The following SNX29 variants were observed in gnomAD, a reference collection of about 807,000 sequenced individuals.
SNX29 encodes the protein sorting nexin-29.
A neutral mutation model predicts 102.1 loss-of-function variants in SNX29; 78 were observed. The observed-to-expected ratio is 0.76, with a 90% confidence interval of 0.64 to 0.92. The LOEUF (loss-of-function observed/expected upper bound fraction) is 0.92, where lower values mean the gene tolerates loss of function less well. Among genes scored for constraint, SNX29 ranks in the 40% least tolerant of loss-of-function variants. The pLI is 0.00. For missense variants in SNX29, 1,280 were observed against 1,061.7 expected, an observed-to-expected ratio of 1.21 and a Z score of -2.86; for synonymous variants, 580 against 414.5, an observed-to-expected ratio of 1.40 and a Z score of -4.85.
intron 13 of SNX29, among the ~76,000 whole-genome samples, chr16:12,145,374 CTGTT>C (rs757303195): frequency 2.0e-5 from 3 of 152,070 alleles, no homozygotes; most frequent in Non-Finnish European, 4.4e-5. Context: ...AATTTACATT[CTGTT>C]TATTTTATTC....
chr16:12,419,188 C>G (rs1303790796), intron 18 of SNX29, among the ~76,000 whole-genome samples: 1 of 152,078 alleles, frequency 6.6e-6, no homozygotes, highest in East Asian at 1.9e-4. Context: ...TCTTTGTAGG[C>G]AGGTTTATGT....
At chr16:12,553,619 T>C (rs1187406633) in intron 20 of SNX29, among the ~76,000 whole-genome samples, 1 of 125,140 alleles carries the variant, frequency 8.0e-6, no homozygotes, top group Non-Finnish European at 1.6e-5. Flanking sequence ...AGATGGAATT[T>C]TGTGCTTGTT....
In SNX29 at chr16:12,570,287, T is replaced by G; in HGVS notation, c.*1658T>G. 2.8e-6 allele frequency: 3 copies of G among 1,061,548 alleles called. No homozygotes were observed. 65.8% of individuals were successfully genotyped at this position (1,061,548 alleles called of 1,614,324 possible). ...GGAGGTGCGGACCCTGCAGTCAGTT[T>G]GCGAGTGTGGAGGACCCGAGACATC... On this transcript the variant is annotated 3_prime_UTR_variant, in exon 21 of 21. Transcript: ENST00000566228.
At chr16:12,155,948 G>T (rs2055530331) in intron 13 of SNX29, among the ~76,000 whole-genome samples, 1 of 152,216 alleles carries the variant, frequency 6.6e-6, no homozygotes, top group African/African-American at 2.4e-5. Context: ...CTGGTGAGTG[G>T]TATAAAAGGA....
intron 14 of SNX29, among the ~76,000 whole-genome samples, chr16:12,230,291 G>C (rs903540804): frequency 2.6e-5 from 4 of 152,226 alleles, no homozygotes; most frequent in African/African-American, 9.6e-5. Flanking sequence ...CTTCCCGTTT[G>C]GGCAAAGAGT....
At chr16:12,294,584 C>G (rs978750442) in intron 15 of SNX29, among the ~76,000 whole-genome samples, 1 of 152,316 alleles carries the variant, frequency 6.6e-6, no homozygotes. Context: ...CTGCCGCCAT[C>G]ATGGTTCCCT....
chr16:12,400,887 A>G (rs113280422), intron 17 of SNX29, among the ~76,000 whole-genome samples: 5,428 of 152,246 alleles, frequency 0.036, 250 homozygotes, highest in African/African-American at 0.1. Flanking sequence ...CAGTGGCACT[A>G]TCTCTGCTCA....
At chr16:12,166,334 C>T (rs2056021491) in intron 13 of SNX29, among the ~76,000 whole-genome samples, 1 of 152,116 alleles carries the variant, frequency 6.6e-6, no homozygotes, top group Non-Finnish European at 1.5e-5. Context: ...GCAGTGAGCG[C>T]TGGAAGCAAA....
intron 15 of SNX29, among the ~76,000 whole-genome samples, chr16:12,324,853 G>A (rs544598): frequency 0.42 from 64,461 of 151,834 alleles, 14,472 homozygotes; most frequent in South Asian, 0.7. Context: ...ACCCACTTCT[G>A]AAGCCCCCAA....
chr16:11,989,102 A>G (rs2055744332), intron 1 of SNX29, among the ~76,000 whole-genome samples: 1 of 151,966 alleles, frequency 6.6e-6, no homozygotes, highest in Non-Finnish European at 1.5e-5. Context: ...GCCTCTCAGT[A>G]GCTGGGATTA....
intron 5 of SNX29, among the ~76,000 whole-genome samples, chr16:12,043,533 T>G (rs970770864): frequency 6.6e-6 from 1 of 152,000 alleles, no homozygotes; most frequent in Admixed American, 6.6e-5. Context: ...TTAAAAAATT[T>G]TTTTGTAGCG....
At chr16:12,038,298 C>T (rs1002183204) in intron 4 of SNX29, among the ~76,000 whole-genome samples, 24 of 152,260 alleles carry the variant, frequency 1.6e-4, no homozygotes, top group African/African-American at 5.5e-4. Context: ...TTTTGTCTTC[C>T]TTGTGGTCCC....
At chr16:12,023,038 A>G (rs560066305) in intron 3 of SNX29, among the ~76,000 whole-genome samples, 9 of 151,844 alleles carry the variant, frequency 5.9e-5, no homozygotes, top group East Asian at 1.9e-4. Flanking sequence ...CTGGAATTAC[A>G]GGTGCCTGCT....
intron 20 of SNX29, among the ~76,000 whole-genome samples, chr16:12,542,363 C>T (rs1336173655): frequency 2.0e-5 from 3 of 152,060 alleles, no homozygotes; most frequent in African/African-American, 7.2e-5. Flanking sequence ...AAAGTTAGAC[C>T]CAAGTTCTAT....
chr16:12,030,747 A>G (rs2057317875), intron 4 of SNX29, among the ~76,000 whole-genome samples: 1 of 152,166 alleles, frequency 6.6e-6, no homozygotes, highest in Non-Finnish European at 1.5e-5. Context: ...AATCGGGACA[A>G]AGTATCCAGT....
chr16:12,536,098 C>G (rs1005576864), intron 20 of SNX29, among the ~76,000 whole-genome samples: 1 of 152,120 alleles, frequency 6.6e-6, no homozygotes, highest in African/African-American at 2.4e-5. Flanking sequence ...TTTGCCTGGA[C>G]CAGAGAGAAG....
chr16:12,017,328 T>C (rs1001425074), intron 3 of SNX29, among the ~76,000 whole-genome samples: 12 of 152,246 alleles, frequency 7.9e-5, no homozygotes, highest in Non-Finnish European at 1.6e-4. Flanking sequence ...TCTTTTCTTA[T>C]ATTTATTGGC....
At chr16:12,503,732 G>C (rs558872112) in intron 19 of SNX29, among the ~76,000 whole-genome samples, 1 of 152,220 alleles carries the variant, frequency 6.6e-6, no homozygotes, top group South Asian at 2.1e-4. Flanking sequence ...CTGTCAGAGA[G>C]GCTTTCTTCA....
At chr16:12,462,611 C>CAT (rs904680752) in intron 18 of SNX29, among the ~76,000 whole-genome samples, 8 of 151,870 alleles carry the variant, frequency 5.3e-5, no homozygotes, top group African/African-American at 1.9e-4. Flanking sequence ...CACACACACA[C>CAT]GTGACTGGAG....
Sources: allele counts gnomAD v4.1 joint callset (sites outside exome capture counted in the v4.1 genomes callset), GRCh38; gene constraint gnomAD v4.1.1; transcripts MANE v1.5; gene names NCBI Gene and HGNC (gene_info 2026-07-23, HGNC 2026-07-21).